LPAR6: variants seen among roughly 807,000 people sequenced by gnomAD.
The protein encoded by LPAR6 is G-protein coupled purinergic receptor P2Y5.
Under a neutral mutation model 22.0 loss-of-function variants are expected in LPAR6, and 17 were observed. The observed-to-expected ratio is 0.77, with a 90% CI of 0.53 to 1.16. LPAR6 has a LOEUF of 1.16. Ranked by LOEUF, LPAR6 falls within the 50% of genes most tolerant of loss-of-function variation. The pLI is 0.00. For synonymous variants in LPAR6, 136 were observed against 139.8 expected, an observed-to-expected ratio of 0.97 and a Z score of 0.19; for missense variants, 384 against 406.9, an observed-to-expected ratio of 0.94 and a Z score of 0.48.
At chr13:48,401,487 T>C (rs1362374453) in intron 1 of LPAR6, 4 of 152,224 alleles carry the variant, frequency 2.6e-5, no homozygotes, top group Non-Finnish European at 4.4e-5. Flanking sequence ...TATGCTTCAA[T>C]CATCTAAGCT....
upstream of LPAR6, among the ~76,000 whole-genome samples, chr13:48,428,987 A>T (rs1949103767): frequency 6.6e-6 from 1 of 152,212 alleles, no homozygotes; most frequent in South Asian, 2.1e-4. Context: ...TGGAAGCTGC[A>T]TGCTTGTGGC....
rs1435956674 is a variant in LPAR6, at chr13:48,411,149, GA to G, written c.*239del. On this transcript the variant is annotated 3_prime_UTR_variant, in exon 1 of 1. Transcript: ENST00000620633. ...TTTTAGACACTAAATAACTTTAAGA[GA>G]TTTTTTTTAATGAAGGAACAAATCA... The G allele has an allele frequency of 2.0e-5, 8 of 390,940 alleles. No individual in the cohort carries two copies. The highest frequency in any genetic ancestry group is 1.0e-4 in the African/African-American group (5 of 49,966). The allele number at this position is 390,940 out of a possible 1,614,324, so 24.2% of individuals were successfully genotyped here.
chr13:48,414,759 A>G (rs181676326), upstream of LPAR6, among the ~76,000 whole-genome samples: 1 of 152,356 alleles, frequency 6.6e-6, no homozygotes, highest in East Asian at 1.9e-4. Context: ...TCTGGACTAG[A>G]AAATTCATCT....
At chr13:48,400,525 TG>T (rs1255338250) in intron 1 of LPAR6, among the ~76,000 whole-genome samples, 2 of 152,140 alleles carry the variant, frequency 1.3e-5, no homozygotes, top group Non-Finnish European at 2.9e-5. Context: ...TTTGTGTTTG[TG>T]AGTGTTACTA....
At chr13:48,437,391 A>C (rs1273662967) in intron 1 of LPAR6, among the ~76,000 whole-genome samples, 1 of 152,218 alleles carries the variant, frequency 6.6e-6, no homozygotes, top group Non-Finnish European at 1.5e-5. Flanking sequence ...AAAAAAGATC[A>C]ATTGCTATAT....
intron 1 of LPAR6, among the ~76,000 whole-genome samples, chr13:48,437,943 A>G (rs1011016089): frequency 6.6e-6 from 1 of 152,054 alleles, no homozygotes; most frequent in Admixed American, 6.6e-5. Context: ...AACAAATCCT[A>G]TTATCAGTTT....
downstream of LPAR6, among the ~76,000 whole-genome samples, chr13:48,409,621 G>A (rs539704868): frequency 4.4e-5 from 5 of 112,608 alleles, no homozygotes; most frequent in Admixed American, 2.8e-4. Flanking sequence ...TCGCTCTGTC[G>A]CCCGGCTGGA....
At position 48,391,839 on chromosome 13, in the gene LPAR6, G is replaced by A. The variant is rs573784460; in HGVS notation, n.115-2027C>T. 2.4e-4 allele frequency among the ~76,000 whole-genome samples: 36 copies of A among 152,004 alleles called. 2 individuals are homozygous for A. The highest frequency in any genetic ancestry group is 8.4e-4 in the African/African-American group (35 of 41,452). On this transcript the variant is annotated intron_variant and non_coding_transcript_variant, in intron 1 of 1. Transcript: ENST00000462781. ...TCACCATGTTGATCAGGCTGGTCTC[G>A]AACTCCTGACCTCGTGATTTGCCTG...
At position 48,411,366 on chromosome 13, in the gene LPAR6, C is replaced by G. The variant is rs1470269876; in HGVS notation, c.*23G>C. On this transcript the variant is annotated 3_prime_UTR_variant, in exon 1 of 1. Transcript: ENST00000620633. ...TTGAAGGAACTTGAAAGTTCTGTCC[C>G]AGTGAGTCCTAATGGTTTTATTTCA... 1 of 1,583,512 alleles carries G rather than the reference C, an allele frequency of 6.3e-7. No individual in the cohort carries two copies. The highest frequency in any genetic ancestry group is 1.7e-5 in the Admixed American group (1 of 59,990).
chr13:48,430,896 C>A (rs1949123469), upstream of LPAR6, among the ~76,000 whole-genome samples: 3 of 152,222 alleles, frequency 2.0e-5, no homozygotes, highest in Admixed American at 6.5e-5. Context: ...GTACTTCAGC[C>A]TGGGTGACAG....
intron 1 of LPAR6, among the ~76,000 whole-genome samples, chr13:48,436,346 T>C (rs920088987): frequency 6.6e-6 from 1 of 152,148 alleles, no homozygotes; most frequent in African/African-American, 2.4e-5. Context: ...AATATAGATA[T>C]AGTTAAAATC....
At chr13:48,421,397 C>G (rs1593499512) in intron 2 of LPAR6, among the ~76,000 whole-genome samples, 2 of 152,268 alleles carry the variant, frequency 1.3e-5, no homozygotes, top group South Asian at 4.1e-4. Context: ...AATGTAAGAC[C>G]TAAAGCCATG....
chr13:48,396,037 G>A (rs1488023266), intron 1 of LPAR6, among the ~76,000 whole-genome samples: 1 of 152,128 alleles, frequency 6.6e-6, no homozygotes, highest in Non-Finnish European at 1.5e-5. Flanking sequence ...GCTCATGGAT[G>A]GGAAAAATTA....
At chr13:48,428,703 A>G (rs556740616), upstream of LPAR6, among the ~76,000 whole-genome samples, 5 of 152,372 alleles carry the variant, frequency 3.3e-5, no homozygotes, top group Non-Finnish European at 7.3e-5. Context: ...TATGATGACC[A>G]TCCTTCATTT....
chr13:48,431,123 G>A (rs141812450), upstream of LPAR6, among the ~76,000 whole-genome samples: 152 of 130,592 alleles, frequency 1.2e-3, 1 homozygote, highest in African/African-American at 3.8e-3. Flanking sequence ...ATGGAAACAA[G>A]TCTGTTAGAA....
At chr13:48,417,109 G>C (rs1948924583), upstream of LPAR6, 1 of 152,326 alleles carries the variant, frequency 6.6e-6, no homozygotes, top group African/African-American at 2.4e-5. Flanking sequence ...GTGGGTCTCT[G>C]ACCCCCATGT....
chr13:48,402,392 T>TTTTTTTTTTA (rs56707206), intron 1 of LPAR6, among the ~76,000 whole-genome samples: 3 of 150,500 alleles, frequency 2.0e-5, no homozygotes, highest in Admixed American at 6.6e-5. Context: ...TTTTTTTTTT[T>TTTTTTTTTTA]AAACAGATGA....
At chr13:48,409,029 C>A (rs1948764745), downstream of LPAR6, among the ~76,000 whole-genome samples, 1 of 151,700 alleles carries the variant, frequency 6.6e-6, no homozygotes, top group Non-Finnish European at 1.5e-5. Context: ...AGTGTAATAT[C>A]AAATAAAGGA....
intron 1 of LPAR6, among the ~76,000 whole-genome samples, chr13:48,402,379 C>CTTTTT (rs545934425): frequency 2.4e-5 from 3 of 125,716 alleles, no homozygotes; most frequent in African/African-American, 5.7e-5. Flanking sequence ...TGTAGAAAAC[C>CTTTTT]TTTTTTTTTT....
Sources: allele counts gnomAD v4.1 joint callset (sites outside exome capture counted in the v4.1 genomes callset), GRCh38; gene constraint gnomAD v4.1.1; transcripts MANE v1.5; gene names NCBI Gene and HGNC (gene_info 2026-07-23, HGNC 2026-07-21).